Variants in ZNF254 observed in about 807,000 individuals in gnomAD.
ZNF254 encodes the protein CTD-2017D11.1.
In ZNF254, 10 loss-of-function variants were observed where a neutral mutation model predicts 12.4. That is an observed-to-expected ratio of 0.80 (90% CI 0.50 to 1.36). ZNF254 has a LOEUF of 1.36. ZNF254 is among the 40% of genes most tolerant of loss of function. The pLI is 0.00. For synonymous variants in ZNF254, 305 were observed against 253.4 expected (o/e 1.20, Z -1.93); for missense variants, 996 against 763.9 (o/e 1.30, Z -3.58).
At chr19:24,039,386 A>G (rs935677822) in intron 1 of ZNF254, among the ~76,000 whole-genome samples, 3 of 152,120 alleles carry the variant, frequency 2.0e-5, no homozygotes, top group African/African-American at 7.2e-5. Context: ...CCTATGTGTG[A>G]GTTGTATTAC....
In ZNF254 at chr19:24,126,319, G is replaced by A. The variant is rs367742870; in HGVS notation, c.319G>A (p.Ala107Thr). 1.7e-5 allele frequency: 27 copies of A among 1,596,946 alleles called. No homozygotes were observed. The African/African-American group carries it at 2.2e-4, about 13-fold the overall frequency. ...EQGMEDSFQK[A>T]ILRRYGKYGH... ...GGGCATGGAAGATTCTTTTCAAAAA[G>A]CAATACTGAGAAGATATGGAAAATA... The change falls in exon 4 of 4, where the codon GCA becomes ACA. Residue 107 changes from alanine to threonine, a missense_variant. Coordinates refer to ENST00000357002, the MANE Select transcript of ZNF254 (RefSeq NM_203282.4).
At chr19:24,071,591 G>A (rs938120230) in intron 2 of ZNF254, among the ~76,000 whole-genome samples, 2 of 152,196 alleles carry the variant, frequency 1.3e-5, no homozygotes, top group African/African-American at 4.8e-5. Flanking sequence ...AATTTAGGTA[G>A]ACTGCTGCAT....
rs1256957447 is a variant in ZNF254, at chr19:24,049,210, A to ATTTTT, written c.-94+2932_-94+2933insTTTTT. Among the ~76,000 whole-genome samples, 80 of 46,136 alleles carry ATTTTT rather than the reference A, an allele frequency of 1.7e-3. 1 individual carries two copies. The highest frequency in any genetic ancestry group is 7.6e-3 in the African/African-American group (74 of 9,792). 30.3% of individuals were successfully genotyped at this position (46,136 alleles called of 152,430 possible). On this transcript the variant is annotated intron_variant, in intron 2 of 4. Coordinates refer to the ZNF254 transcript ENST00000613065. ...TATATATATATATATATATATATAT[A>ATTTTT]TATATTTTTTTTTTTTTTTTAATTT...
At chr19:24,089,557 T>C (rs376536305) in intron 1 of ZNF254, among the ~76,000 whole-genome samples, 3 of 152,146 alleles carry the variant, frequency 2.0e-5, no homozygotes, top group East Asian at 3.9e-4. Context: ...TAAACGAAGA[T>C]ACCCACCATG....
Position 24,128,732 on chromosome 19 carries a change from A to T in ZNF254, c.*752A>T, listed in dbSNP as rs1396907352. On this transcript the variant is annotated 3_prime_UTR_variant, in exon 4 of 4. Transcript: ENST00000357002. ...AAGTCTATGTAAATATCAGGGAATA[A>T]TTCACAGTAGAAATATCTAGGGCAT... is the stretch of plus-strand genomic sequence containing the variant. The T allele has an allele frequency of 6.6e-6, 1 of 152,126 alleles. No homozygotes were observed. Among genetic ancestry groups the T allele is most frequent in the Non-Finnish European group, 1.5e-5 (1 of 67,954 alleles). The allele number at this position is 152,126 out of a possible 1,614,324, so 9.4% of individuals were successfully genotyped here.
chr19:24,106,499 T>C, intron 2 of ZNF254, 49 bp from the exon 3 acceptor site: 2 of 1,453,216 alleles, frequency 1.4e-6, no homozygotes, highest in Non-Finnish European at 1.9e-6. Context: ...ACTAAGTTGG[T>C]AATTGGAGAA....
At chr19:24,083,826 A>T (rs1223695289), upstream of ZNF254, among the ~76,000 whole-genome samples, 3 of 152,204 alleles carry the variant, frequency 2.0e-5, no homozygotes, top group Non-Finnish European at 4.4e-5. Context: ...TAATTAAAAC[A>T]TCAAAAATAA....
At chr19:24,090,561 C>G (rs1972312146) in intron 1 of ZNF254, among the ~76,000 whole-genome samples, 1 of 151,846 alleles carries the variant, frequency 6.6e-6, no homozygotes, top group Non-Finnish European at 1.5e-5. Context: ...CTCAGCCTCC[C>G]AAGTAGCTGG....
At chr19:24,102,229 GTT>G (rs57684067) in intron 1 of ZNF254, among the ~76,000 whole-genome samples, 170 of 122,928 alleles carry the variant, frequency 1.4e-3, no homozygotes, top group African/African-American at 2.8e-3. Flanking sequence ...AACAAAATTT[GTT>G]TTTTTTTTTT....
intron 1 of ZNF254, 104 bp from the exon 2 acceptor site, chr19:24,105,833 CTTA>C: frequency 6.7e-7 from 1 of 1,482,978 alleles, no homozygotes. Context: ...TTCAATCACT[CTTA>C]TAAGTCAGAA....
In ZNF254 at chr19:24,128,109, A is replaced by G. The variant is rs1975028448; in HGVS notation, c.*129A>G. The G allele has an allele frequency of 1.1e-6, 1 of 941,920 alleles. No homozygotes were observed. The highest frequency in any genetic ancestry group is 3.2e-5 in the Admixed American group (1 of 30,802). 58.3% of individuals were successfully genotyped at this position (941,920 alleles called of 1,614,324 possible). On this transcript the variant is annotated 3_prime_UTR_variant, in exon 4 of 4. Transcript: ENST00000357002. ...AGTACCTAAAACTTTAAAGAAAATCATTCTGCTGAAAAATCCTAGAAATGT... is the reference window on the plus strand; with the variant it reads ...AGTACCTAAAACTTTAAAGAAAATCGTTCTGCTGAAAAATCCTAGAAATGT...
intron 3 of ZNF254, among the ~76,000 whole-genome samples, chr19:24,123,697 G>A (rs1974639589): frequency 6.6e-6 from 1 of 151,928 alleles, no homozygotes; most frequent in Non-Finnish European, 1.5e-5. Flanking sequence ...ATTTTTTGAT[G>A]TCCTTTGTTT....
In ZNF254 at chr19:24,126,240, T is replaced by C. The variant is rs1287902880; in HGVS notation, c.254-14T>C. ...GTAAGTGGAGTAATTTATTTATTTT[T>C]ATTTTTTTTTCAGGTATGTGTCCTC... is the stretch of plus-strand genomic sequence containing the variant. On this transcript the variant is annotated splice_polypyrimidine_tract_variant and intron_variant, in intron 3 of 3. Coordinates refer to ENST00000357002, the MANE Select transcript of ZNF254 (RefSeq NM_203282.4). The C allele has an allele frequency of 7.1e-7, 1 of 1,403,778 alleles. No homozygotes were observed. Among genetic ancestry groups the C allele is most frequent in the Admixed American group, 2.7e-5 (1 of 37,066 alleles). 87.0% of individuals were successfully genotyped at this position (1,403,778 alleles called of 1,614,324 possible). A position where few individuals can be genotyped will look rare whatever the true frequency, so the allele number is the denominator to read the frequency against.
In ZNF254 at chr19:24,106,616, C is replaced by G. The variant is rs199638947; in HGVS notation, c.226C>G (p.Arg76Gly). 1 of 1,582,990 alleles carries G rather than the reference C, an allele frequency of 6.3e-7. No individual in the cohort carries two copies. Among genetic ancestry groups the G allele is most frequent in the Non-Finnish European group, 8.6e-7 (1 of 1,162,762 alleles). Residue 76 changes from arginine to glycine, a missense_variant, in exon 3 of 4, where the codon CGA (arginine) becomes GGA (glycine). Physicochemically the swap from Arg to Gly is moderately radical, Grantham distance 125. Transcript: ENST00000357002. The part of the protein sequence containing the change: ...EQGKEPWNMK[R>G]HEMVDEPPGM... ...AGGGAAAGAGCCCTGGAATATGAAGCGACATGAGATGGTGGATGAACCCCC... is the reference window on the plus strand; with the variant it reads ...AGGGAAAGAGCCCTGGAATATGAAGGGACATGAGATGGTGGATGAACCCCC...
chr19:24,048,046 A>C (rs1599587589), intron 2 of ZNF254, among the ~76,000 whole-genome samples: 1 of 107,984 alleles, frequency 9.3e-6, no homozygotes, highest in South Asian at 2.9e-4. Context: ...TCGCTCTGTC[A>C]CCCAGAGGTA....
At chr19:24,047,687 T>C (rs994595713) in intron 2 of ZNF254, among the ~76,000 whole-genome samples, 8 of 150,958 alleles carry the variant, frequency 5.3e-5, no homozygotes, top group East Asian at 1.9e-4. Flanking sequence ...TTTTTCTTTT[T>C]TCTTTTCTTT....
intron 1 of ZNF254, among the ~76,000 whole-genome samples, chr19:24,041,620 GC>G (rs1388304269): frequency 6.6e-6 from 1 of 152,226 alleles, no homozygotes; most frequent in Non-Finnish European, 1.5e-5. Flanking sequence ...CTCCTGTGCG[GC>G]CCGAGCCTCC....
chr19:24,107,283 G>T (rs969857691), intron 3 of ZNF254: 2 of 607,404 alleles, frequency 3.3e-6, no homozygotes, highest in African/African-American at 1.9e-5. Flanking sequence ...AAATCTACAG[G>T]TCACTTTGGA....
At chr19:24,050,433 T>G (rs567833866) in intron 2 of ZNF254, among the ~76,000 whole-genome samples, 4 of 152,196 alleles carry the variant, frequency 2.6e-5, no homozygotes, top group Non-Finnish European at 5.9e-5. Flanking sequence ...GTGCTGAGAT[T>G]ACAGGTGTGA....
Sources: gnomAD v4.1 joint callset for allele counts (sites outside exome capture counted in the v4.1 genomes callset) on GRCh38, gnomAD v4.1.1 for gene constraint, MANE v1.5 for transcripts, NCBI Gene and HGNC (gene_info 2026-07-23, HGNC 2026-07-21) for gene names.